The following EML6 variants were observed in gnomAD, a reference collection of about 807,000 sequenced individuals.
EML6 encodes echinoderm microtubule-associated protein-like 6.
EML6 carries 154 observed loss-of-function variants against 240.1 expected under a neutral mutation model. The observed-to-expected ratio is 0.64, with a 90% CI of 0.56 to 0.73. The LOEUF (loss-of-function observed/expected upper bound fraction) is 0.73. Among genes scored for constraint, EML6 ranks in the 30% least tolerant of loss-of-function variants. EML6 has a pLI of 0.00. For missense variants in EML6, 2,964 were observed against 2,474.6 expected (o/e 1.20, Z -4.20); for synonymous variants, 1,148 against 899.0 (o/e 1.28, Z -4.95).
chr2:54,828,552 C>G (rs999973141), intron 6 of EML6, among the ~76,000 whole-genome samples: 1 of 152,186 alleles, frequency 6.6e-6, no homozygotes, highest in South Asian at 2.1e-4. Flanking sequence ...AAAGTTTAAG[C>G]AACTCTTAGA....
chr2:54,895,075 A>T lies in EML6; in HGVS notation c.2854+49A>T, dbSNP rs187148311. 1,494 of 1,434,030 alleles carry T rather than the reference A, an allele frequency of 1.0e-3. 10 individuals carry two copies. In the African/African-American group the frequency reaches 0.018, roughly 17 times the overall value. The allele number at this position is 1,434,030 out of a possible 1,614,324, so 88.8% of individuals were successfully genotyped here. Reference sequence around the variant, plus strand: ...GAGATCTTTGTATTCATAGGGATGGAGAAGATTGTACTAAAGTTTTTAGAA... The same window carrying T: ...GAGATCTTTGTATTCATAGGGATGGTGAAGATTGTACTAAAGTTTTTAGAA... On this transcript the variant is annotated intron_variant, in intron 20 of 41. Coordinates refer to ENST00000356458, the MANE Select transcript of EML6 (RefSeq NM_001039753.4).
intron 2 of EML6, among the ~76,000 whole-genome samples, chr2:54,754,575 C>T (rs1209660830): frequency 1.3e-5 from 2 of 152,098 alleles, no homozygotes; most frequent in Non-Finnish European, 2.9e-5. Context: ...TTTATATATA[C>T]TGGATATGAG....
At chr2:54,797,163 T>G (rs747662124) in intron 2 of EML6, among the ~76,000 whole-genome samples, 1 of 19,720 alleles carries the variant, frequency 5.1e-5, no homozygotes, top group Non-Finnish European at 8.7e-5. Context: ...AGACTCCATC[T>G]CAAAAAAAAA....
At position 54,889,565 on chromosome 2, in the gene EML6, C is replaced by T. The variant is rs559805128; in HGVS notation, c.2439-1489C>T. Among the ~76,000 whole-genome samples, 39 of 150,548 alleles carry T rather than the reference C, an allele frequency of 2.6e-4. No homozygotes were observed. The South Asian group carries it at 7.0e-3, about 27-fold the overall frequency. Reference sequence around the variant, plus strand: ...ATTTTTATTGTTTATAAATAGAGTCCTCTCCTCCATTATATTTTTCAACCA... The same window carrying T: ...ATTTTTATTGTTTATAAATAGAGTCTTCTCCTCCATTATATTTTTCAACCA... On this transcript the variant is annotated intron_variant, in intron 17 of 41. Coordinates refer to ENST00000356458, the MANE Select transcript of EML6 (RefSeq NM_001039753.4).
In EML6 at chr2:54,954,013, C is replaced by T. The variant is rs762731772; in HGVS notation, c.4343C>T (p.Ala1448Val). The change falls in exon 32 of 42, where the codon GCC (alanine) becomes GTC (valine). Residue 1448 changes from alanine to valine, a missense_variant. Physicochemically the swap from Ala to Val is moderately conservative, Grantham distance 64. Transcript: ENST00000356458. The stretch of plus-strand genomic sequence containing the variant: ...ACACCTTCCATCCACATATGGGACG[C>T]CATGACCAAACACACCCTCTCCATG... ...GTTPSIHIWDAMTKHTLSMLR... is the reference protein window; with the variant it reads ...GTTPSIHIWDVMTKHTLSMLR... The T allele has an allele frequency of 7.1e-6, 11 of 1,551,822 alleles. No individual in the cohort carries two copies. Among genetic ancestry groups the T allele is most frequent in the Non-Finnish European group, 9.6e-6 (11 of 1,146,890 alleles).
intron 7 of EML6, among the ~76,000 whole-genome samples, chr2:54,841,143 T>C (rs1196096589): frequency 6.6e-6 from 1 of 152,262 alleles, no homozygotes; most frequent in Non-Finnish European, 1.5e-5. Context: ...GGCCGTGTGG[T>C]TCTCTGCAGC....
intron 2 of EML6, among the ~76,000 whole-genome samples, chr2:54,785,169 A>ACTTTTT (rs1312461655): frequency 1.2e-5 from 1 of 81,726 alleles, no homozygotes; most frequent in African/African-American, 4.9e-5. Context: ...CCACACACAC[A>ACTTTTT]CTTTTTTTTT....
At chr2:54,959,048 G>T (rs1676369459) in intron 33 of EML6, 56 bp from the exon 34 acceptor site, 4 of 1,478,016 alleles carry the variant, frequency 2.7e-6, no homozygotes, top group South Asian at 1.4e-5. Context: ...ACGGGTGGCT[G>T]GGGAGGGACC....
chr2:54,824,602 A>C (rs1205479626), intron 5 of EML6, among the ~76,000 whole-genome samples: 1 of 152,142 alleles, frequency 6.6e-6, no homozygotes, highest in East Asian at 1.9e-4. Context: ...TGGCTTTGTA[A>C]ATCCCCTATG....
chr2:54,895,006 C>T lies in EML6; in HGVS notation c.2834C>T (p.Ala945Val), dbSNP rs371490735. Residue 945 changes from alanine (A) to valine (V), a missense_variant, in exon 20 of 42, where the codon GCA becomes GTA. Ala to Val is a moderately conservative substitution (Grantham distance 64). Coordinates refer to ENST00000356458, the MANE Select transcript of EML6 (RefSeq NM_001039753.4). ...CLKTYAIKRS[A>V]LSTSSKGLLL... The stretch of plus-strand genomic sequence containing the variant: ...AAGACTTATGCCATTAAAAGATCAG[C>T]ATTGTCGACTAGCTCAAAAGGTGCC... The T allele has an allele frequency of 2.6e-6, 4 of 1,550,874 alleles. No homozygotes were observed. Among genetic ancestry groups the T allele is most frequent in the Middle Eastern group, 1.7e-4 (1 of 5,990 alleles).
In EML6 at chr2:54,957,849, C is replaced by T. The variant is rs1676303436; in HGVS notation, c.4546C>T (p.Pro1516Ser). The part of the protein sequence containing the change: ...LERIFVVEFR[P>S]DSDTQFVSVG... ...GCGCATATTTGTGGTGGAATTTCGC[C>T]CCGACTCAGACACGCAGTTTGTATC... is the stretch of plus-strand genomic sequence containing the variant. The change falls in exon 33 of 42, where the codon CCC (proline) becomes TCC (serine). Residue 1516 changes from proline (P) to serine (S), a missense_variant. Pro to Ser is a moderately conservative substitution (Grantham distance 74, BLOSUM62 -1). Coordinates refer to ENST00000356458, the MANE Select transcript of EML6 (RefSeq NM_001039753.4). 2 of 1,550,762 alleles carry T rather than the reference C, an allele frequency of 1.3e-6. No individual in the cohort carries two copies. The highest frequency in any genetic ancestry group is 1.7e-6 in the Non-Finnish European group (2 of 1,147,004).
chr2:54,837,863 T>G (rs1428272986), intron 7 of EML6, among the ~76,000 whole-genome samples: 1 of 152,146 alleles, frequency 6.6e-6, no homozygotes. Context: ...TAGATTCTGG[T>G]GTACATTGAG....
chr2:54,907,055 C>G (rs1673362793), intron 24 of EML6, among the ~76,000 whole-genome samples: 1 of 152,154 alleles, frequency 6.6e-6, no homozygotes. Context: ...AAAAAGTGCA[C>G]TGGGCTTTTG....
intron 2 of EML6, among the ~76,000 whole-genome samples, chr2:54,771,200 A>G (rs1212020764): frequency 6.6e-6 from 1 of 152,152 alleles, no homozygotes; most frequent in African/African-American, 2.4e-5. Flanking sequence ...ATTACAGTTT[A>G]GGCTCTCTAC....
At chr2:54,938,575 G>C (rs895870661) in intron 28 of EML6, among the ~76,000 whole-genome samples, 1 of 152,138 alleles carries the variant, frequency 6.6e-6, no homozygotes, top group African/African-American at 2.4e-5. Context: ...CTGAGTACAT[G>C]CCTACCAGCT....
chr2:54,935,672 G>A (rs139388209), intron 28 of EML6, among the ~76,000 whole-genome samples: 1 of 152,266 alleles, frequency 6.6e-6, no homozygotes, highest in Non-Finnish European at 1.5e-5. Context: ...AAAAATTGTA[G>A]TCTTATATTC....
At chr2:54,903,304 A>T in intron 23 of EML6, 67 bp from the exon 24 acceptor site, 2 of 1,527,832 alleles carry the variant, frequency 1.3e-6, no homozygotes, top group Non-Finnish European at 1.8e-6. Flanking sequence ...CTTTTAAAAT[A>T]CTAAGTTCCT....
intron 2 of EML6, among the ~76,000 whole-genome samples, chr2:54,799,479 G>A (rs1031255433): frequency 6.6e-6 from 1 of 152,034 alleles, no homozygotes; most frequent in Non-Finnish European, 1.5e-5. Context: ...CTGAGTAGCT[G>A]GGATTACAGG....
Position 54,724,356 on chromosome 2 carries a change from A to G in EML6, c.-513-193A>G, listed in dbSNP as rs1314427371. 6.6e-6 allele frequency among the ~76,000 whole-genome samples: 1 copy of G among 152,172 alleles called. No homozygotes were observed. The highest frequency in any genetic ancestry group is 1.5e-5 in the Non-Finnish European group (1 of 68,030). On this transcript the variant is annotated intron_variant, in intron 1 of 41. Transcript: ENST00000356458. The surrounding 1 kb of genome is among the most constrained non-coding windows in gnomAD (Gnocchi z 5.2). The stretch of plus-strand genomic sequence containing the variant: ...AGCAAGCGTTCCTTCAAATCGCATC[A>G]GCAACTGCCAGGCAGCAGCATTTAC...
Sources: allele counts gnomAD v4.1 joint callset (sites outside exome capture counted in the v4.1 genomes callset), GRCh38; gene constraint gnomAD v4.1.1; non-coding constraint Gnocchi (gnomAD v3.1); transcripts MANE v1.5; gene names NCBI Gene and HGNC (gene_info 2026-07-23, HGNC 2026-07-21).